NAALADL2: variants seen among roughly 807,000 people sequenced by gnomAD.
The protein encoded by NAALADL2 is N-acetylated alpha-linked acidic dipeptidase like 2.
In NAALADL2, 76 loss-of-function variants were observed where a neutral mutation model predicts 87.2. The ratio of observed to expected loss-of-function variants is 0.87; its 90% CI spans 0.72 to 1.05. NAALADL2 has a LOEUF of 1.05. Ranked by LOEUF, NAALADL2 falls within the 50% of genes least tolerant of loss-of-function variation. The pLI is 0.00. For synonymous variants in NAALADL2, 354 were observed against 331.0 expected, an observed-to-expected ratio of 1.07 and a Z score of -0.75; for missense variants, 1,089 against 945.8, an observed-to-expected ratio of 1.15 and a Z score of -1.99.
At chr3:175,578,881 T>C (rs62285578) in intron 10 of NAALADL2, among the ~76,000 whole-genome samples, 19,314 of 152,276 alleles carry the variant, frequency 0.13, 1,382 homozygotes, top group Middle Eastern at 0.17. Flanking sequence ...ATGTTGTTTG[T>C]CCAAGAGTGC....
At chr3:175,513,996 G>A (rs1274384732) in intron 9 of NAALADL2, among the ~76,000 whole-genome samples, 1 of 152,188 alleles carries the variant, frequency 6.6e-6, no homozygotes, top group Non-Finnish European at 1.5e-5. Flanking sequence ...CAATCTACAT[G>A]GATTCCATTG....
intron 12 of NAALADL2, among the ~76,000 whole-genome samples, chr3:175,743,517 G>A (rs1745527222): frequency 6.6e-6 from 1 of 152,194 alleles, no homozygotes; most frequent in Admixed American, 6.5e-5. Flanking sequence ...AAAGAAAACT[G>A]GATGTACATA....
intron 2 of NAALADL2, among the ~76,000 whole-genome samples, chr3:174,582,173 C>T (rs1462367717): frequency 1.3e-5 from 2 of 152,046 alleles, no homozygotes; most frequent in Admixed American, 6.6e-5. Context: ...AGTTAGGTTG[C>T]CACTTGTGAT....
At chr3:175,200,322 G>A (rs1251269097) in intron 2 of NAALADL2, among the ~76,000 whole-genome samples, 1 of 151,850 alleles carries the variant, frequency 6.6e-6, no homozygotes, top group Non-Finnish European at 1.5e-5. Context: ...AAAACAAATA[G>A]GATAAAATCC....
At chr3:174,538,897 G>T (rs1230540546) in intron 1 of NAALADL2, among the ~76,000 whole-genome samples, 1 of 152,124 alleles carries the variant, frequency 6.6e-6, no homozygotes, top group Non-Finnish European at 1.5e-5. Flanking sequence ...ATTGATTGAT[G>T]CCTTATGTCT....
chr3:174,554,149 A>C (rs994632294), intron 2 of NAALADL2, among the ~76,000 whole-genome samples: 2 of 151,992 alleles, frequency 1.3e-5, no homozygotes, highest in Non-Finnish European at 2.9e-5. Flanking sequence ...TTTTGTCTAG[A>C]AAACAAAAGA....
At chr3:174,631,365 G>C (rs768109245) in intron 2 of NAALADL2, among the ~76,000 whole-genome samples, 4 of 152,166 alleles carry the variant, frequency 2.6e-5, no homozygotes, top group Non-Finnish European at 4.4e-5. Flanking sequence ...TCTGCTGGAT[G>C]ATTATTGATT....
intron 5 of NAALADL2, among the ~76,000 whole-genome samples, chr3:175,326,892 A>C (rs949066590): frequency 6.6e-5 from 10 of 152,202 alleles, no homozygotes; most frequent in Non-Finnish European, 1.2e-4. Flanking sequence ...CAAGTTTCCA[A>C]CACATGAGCT....
chr3:174,753,323 G>T (rs762772971), intron 3 of NAALADL2, among the ~76,000 whole-genome samples: 3 of 152,148 alleles, frequency 2.0e-5, no homozygotes, highest in Non-Finnish European at 4.4e-5. Context: ...TGATCCAGCC[G>T]CCTTGGCCTC....
chr3:174,899,337 C>T (rs1732021127), intron 1 of NAALADL2, among the ~76,000 whole-genome samples: 1 of 152,030 alleles, frequency 6.6e-6, no homozygotes, highest in Non-Finnish European at 1.5e-5. Flanking sequence ...TGGCCCCACC[C>T]AAATCTCATG....
chr3:174,522,889 T>C lies in NAALADL2; in HGVS notation c.-183-27680T>C, dbSNP rs1162962737. On this transcript the variant is annotated intron_variant, in intron 1 of 3. Transcript: ENST00000434257. ...GCGGAGCTTGCAGTGAGCCGAGATC[T>C]CGCCACTGCACTCCAGCTTGGGCGA... Among the ~76,000 whole-genome samples, 6 of 130,124 alleles carry C rather than the reference T, an allele frequency of 4.6e-5. No individual in the cohort carries two copies. The East Asian group carries it at 7.0e-4, about 15-fold the overall frequency. 85.4% of individuals were successfully genotyped at this position (130,124 alleles called of 152,430 possible).
intron 1 of NAALADL2, among the ~76,000 whole-genome samples, chr3:174,913,452 T>A (rs1173523737): frequency 6.6e-6 from 1 of 152,154 alleles, no homozygotes; most frequent in East Asian, 1.9e-4. Context: ...TGCCTCAGTC[T>A]TGTGCCTGAG....
intron 9 of NAALADL2, among the ~76,000 whole-genome samples, chr3:175,574,677 T>C (rs973763941): frequency 5.9e-5 from 9 of 152,136 alleles, no homozygotes; most frequent in Non-Finnish European, 1.3e-4. Context: ...CTTGCTTCTG[T>C]TTTTAAATTT....
At chr3:175,166,201 T>C (rs941663019) in intron 2 of NAALADL2, among the ~76,000 whole-genome samples, 1 of 152,122 alleles carries the variant, frequency 6.6e-6, no homozygotes, top group Admixed American at 6.6e-5. Context: ...AACATGACTT[T>C]CTCAGAGTTG....
At chr3:174,955,230 T>C (rs566694769) in intron 1 of NAALADL2, among the ~76,000 whole-genome samples, 2 of 152,256 alleles carry the variant, frequency 1.3e-5, no homozygotes, top group African/African-American at 4.8e-5. Context: ...TCACGACGCA[T>C]TTTCAAAGTT....
At chr3:174,490,567 G>T (rs1404524717) in intron 1 of NAALADL2, among the ~76,000 whole-genome samples, 1 of 152,056 alleles carries the variant, frequency 6.6e-6, no homozygotes, top group Non-Finnish European at 1.5e-5. Context: ...TCTCAATAAA[G>T]ATCTTTTTTT....
intron 2 of NAALADL2, among the ~76,000 whole-genome samples, chr3:174,733,840 G>A (rs1312464554): frequency 6.6e-6 from 1 of 152,134 alleles, no homozygotes; most frequent in East Asian, 1.9e-4. Context: ...ACTTGGGAGG[G>A]TTAAGAGCAA....
intron 9 of NAALADL2, among the ~76,000 whole-genome samples, chr3:175,549,487 T>C (rs1582357060): frequency 6.6e-6 from 1 of 152,078 alleles, no homozygotes; most frequent in East Asian, 1.9e-4. Context: ...ATTATGAAAA[T>C]GTATCTAATT....
At chr3:175,237,625 G>T (rs1746122495) in intron 3 of NAALADL2, among the ~76,000 whole-genome samples, 1 of 151,950 alleles carries the variant, frequency 6.6e-6, no homozygotes, top group African/African-American at 2.4e-5. Flanking sequence ...AAATATATGT[G>T]GTTCTTTCCT....
Sources: gnomAD v4.1 joint callset for allele counts (sites outside exome capture counted in the v4.1 genomes callset) on GRCh38, gnomAD v4.1.1 for gene constraint, MANE v1.5 for transcripts, NCBI Gene and HGNC (gene_info 2026-07-23, HGNC 2026-07-21) for gene names.